Variants in MOB3B observed in about 807,000 individuals in gnomAD.
The protein encoded by MOB3B is MOB kinase activator 3B, also known as MOB kinase activator-like 2B.
Under a neutral mutation model 18.7 loss-of-function variants are expected in MOB3B, and 7 were observed. The observed-to-expected ratio is 0.37, with a 90% CI of 0.21 to 0.70. MOB3B has a LOEUF of 0.70. MOB3B is among the 30% of genes least tolerant of loss of function. MOB3B has a pLI of 0.52. For synonymous variants in MOB3B, 111 were observed against 99.9 expected, an observed-to-expected ratio of 1.11 and a Z score of -0.66; for missense variants, 253 against 281.3, an observed-to-expected ratio of 0.90 and a Z score of 0.72.
At chr9:27,435,320 C>T (rs750632982) in intron 2 of MOB3B, among the ~76,000 whole-genome samples, 3 of 152,056 alleles carry the variant, frequency 2.0e-5, no homozygotes, top group African/African-American at 4.8e-5. Flanking sequence ...GGGTTTTCCC[C>T]ATGTGTACAT....
intron 3 of MOB3B, among the ~76,000 whole-genome samples, chr9:27,352,718 C>T (rs1355302669): frequency 6.6e-6 from 1 of 152,168 alleles, no homozygotes; most frequent in African/African-American, 2.4e-5. Context: ...AGAGACACAT[C>T]ACATCACAAA....
At chr9:27,464,056 A>G (rs144457727) in intron 1 of MOB3B, among the ~76,000 whole-genome samples, 2 of 152,362 alleles carry the variant, frequency 1.3e-5, no homozygotes, top group East Asian at 3.9e-4. Context: ...TTGCCAGTGA[A>G]AGTGCTTCAC....
chr9:27,343,887 T>C (rs1820993668), intron 3 of MOB3B, among the ~76,000 whole-genome samples: 1 of 152,116 alleles, frequency 6.6e-6, no homozygotes, highest in African/African-American at 2.4e-5. Context: ...CATCCTGGCC[T>C]CACTTGCAAA....
intron 2 of MOB3B, among the ~76,000 whole-genome samples, chr9:27,432,332 A>G (rs932137057): frequency 1.3e-5 from 2 of 152,020 alleles, no homozygotes; most frequent in Non-Finnish European, 2.9e-5. Flanking sequence ...TCACAGGGTT[A>G]TTGCCATTTG....
chr9:27,450,117 A>T (rs968465831), intron 2 of MOB3B, among the ~76,000 whole-genome samples: 1 of 152,094 alleles, frequency 6.6e-6, no homozygotes, highest in Non-Finnish European at 1.5e-5. Flanking sequence ...ACAGCATGTG[A>T]GGGAGGATGA....
chr9:27,529,470 C>T (rs1439947919), intron 1 of MOB3B, 85 bp downstream of exon 1: 1 of 912,506 alleles, frequency 1.1e-6, no homozygotes, highest in Non-Finnish European at 1.3e-6. Context: ...GCGCCCCAAA[C>T]CTCGCCGCCC....
rs371617477 is a variant in MOB3B, at chr9:27,528,627, G to C, written c.-199+928C>G. 3.0e-4 allele frequency among the ~76,000 whole-genome samples: 45 copies of C among 152,362 alleles called. No individual in the cohort carries two copies. In the East Asian group the frequency reaches 5.0e-3, roughly 17 times the overall value. ...GGGGCCGGGGAGGGGGACCAGAGGG[G>C]CTTCCTTCTCTCCCCAAGCCCCGCC... On this transcript the variant is annotated intron_variant, in intron 1 of 3. Coordinates refer to ENST00000262244, the MANE Select transcript of MOB3B (RefSeq NM_024761.5).
intron 1 of MOB3B, among the ~76,000 whole-genome samples, chr9:27,463,245 T>C (rs1020081209): frequency 3.3e-5 from 5 of 152,202 alleles, no homozygotes; most frequent in Admixed American, 3.3e-4. Flanking sequence ...AAGGACTTCC[T>C]ATTTATTTTA....
At chr9:27,420,146 C>CA (rs201320148) in intron 2 of MOB3B, among the ~76,000 whole-genome samples, 2,143 of 151,998 alleles carry the variant, frequency 0.014, 22 homozygotes, top group Non-Finnish European at 0.017. Context: ...ATAAAAAAAT[C>CA]AAAAAAGAGT....
At chr9:27,458,820 G>A (rs768563414) in intron 1 of MOB3B, among the ~76,000 whole-genome samples, 18 of 151,994 alleles carry the variant, frequency 1.2e-4, no homozygotes, top group Non-Finnish European at 2.2e-4. Flanking sequence ...CCTGATACCA[G>A]TCTCTTGAAC....
chr9:27,373,914 G>C (rs901740903), intron 2 of MOB3B, among the ~76,000 whole-genome samples: 5 of 152,236 alleles, frequency 3.3e-5, no homozygotes, highest in African/African-American at 1.2e-4. Context: ...AACCCAACTT[G>C]ATGAGTAAAC....
chr9:27,478,255 C>A (rs535814406), intron 1 of MOB3B, among the ~76,000 whole-genome samples: 1 of 152,230 alleles, frequency 6.6e-6, no homozygotes, highest in East Asian at 1.9e-4. Flanking sequence ...TCAGAATAAA[C>A]AATTCCTGCT....
At chr9:27,356,184 G>C (rs1382556332) in intron 3 of MOB3B, among the ~76,000 whole-genome samples, 2 of 152,084 alleles carry the variant, frequency 1.3e-5, no homozygotes, top group African/African-American at 4.8e-5. Flanking sequence ...CATTTAAAAA[G>C]TATGAATATT....
At chr9:27,365,161 G>GAAAAAAAAAAAAAAAAAAA (rs1563850862) in intron 2 of MOB3B, among the ~76,000 whole-genome samples, 1 of 44,360 alleles carries the variant, frequency 2.3e-5, no homozygotes, top group African/African-American at 9.5e-5. Context: ...TTTGGGGGAG[G>GAAAAAAAAAAAAAAAAAAA]CAAAAAAAAA....
intron 2 of MOB3B, among the ~76,000 whole-genome samples, chr9:27,405,858 G>A (rs953039444): frequency 2.6e-5 from 4 of 152,110 alleles, no homozygotes; most frequent in South Asian, 2.1e-4. Context: ...CCAGAAAAGC[G>A]TTCAATGAAA....
intron 2 of MOB3B, among the ~76,000 whole-genome samples, chr9:27,441,858 G>A (rs933872113): frequency 6.6e-6 from 1 of 152,112 alleles, no homozygotes; most frequent in Non-Finnish European, 1.5e-5. Flanking sequence ...GTGTTGTATG[G>A]ATCCCTAAGG....
intron 2 of MOB3B, among the ~76,000 whole-genome samples, chr9:27,414,691 AAC>A (rs559842443): frequency 1.1e-3 from 163 of 152,254 alleles, no homozygotes; most frequent in African/African-American, 3.6e-3. Context: ...CAGCAACATA[AAC>A]ACAAGGTGAC....
At chr9:27,371,900 A>T (rs890079120) in intron 2 of MOB3B, among the ~76,000 whole-genome samples, 2 of 152,186 alleles carry the variant, frequency 1.3e-5, no homozygotes, top group Non-Finnish European at 2.9e-5. Flanking sequence ...ACACTAAAAA[A>T]TTTTCAAACG....
chr9:27,401,313 C>CGACT lies in MOB3B; in HGVS notation c.419-42081_419-42078dup, dbSNP rs376910179. ...TGTGACTTTTCGATTCAATGGCTCA[C>CGACT]GACTAACAACTTCCCTCTGGATCTT... is the stretch of plus-strand genomic sequence containing the variant. On this transcript the variant is annotated intron_variant, in intron 2 of 3. Transcript: ENST00000262244. 9.0e-4 allele frequency among the ~76,000 whole-genome samples: 137 copies of CGACT among 152,328 alleles called. 1 individual carries two copies. The highest frequency in any genetic ancestry group is 3.2e-3 in the African/African-American group (131 of 41,572).
Sources: gnomAD v4.1 joint callset for allele counts (sites outside exome capture counted in the v4.1 genomes callset) on GRCh38, gnomAD v4.1.1 for gene constraint, MANE v1.5 for transcripts, NCBI Gene and HGNC (gene_info 2026-07-23, HGNC 2026-07-21) for gene names.